Variants in MGAM observed in about 807,000 individuals in gnomAD.
The protein encoded by MGAM is alpha-1,4-glucosidase.
MGAM carries 253 observed loss-of-function variants against 358.8 expected under a neutral mutation model. That is an observed-to-expected ratio of 0.71 (90% CI 0.64 to 0.78). The LOEUF (loss-of-function observed/expected upper bound fraction) is 0.78, where lower values mean the gene tolerates loss of function less well. MGAM is among the 30% of genes least tolerant of loss of function. MGAM has a pLI of 0.00. For missense variants in MGAM, 3,080 were observed against 3,432.6 expected (o/e 0.90, Z 2.57); for synonymous variants, 1,105 against 1,227.1 (o/e 0.90, Z 2.08).
chr7:142,054,659 A>C, intron 26 of MGAM, 95 bp from the exon 27 acceptor site: 1 of 1,307,476 alleles, frequency 7.6e-7, no homozygotes, highest in Non-Finnish European at 1.1e-6. Context: ...GAAACATAGC[A>C]TCTGAACTTT....
chr7:142,045,613 T>TTA (rs1554472982), intron 21 of MGAM, among the ~76,000 whole-genome samples: 2 of 76,212 alleles, frequency 2.6e-5, no homozygotes, highest in African/African-American at 4.5e-4. Context: ...ATAATATATA[T>TTA]TATATACATA....
chr7:142,094,955 T>C lies in MGAM; in HGVS notation c.7458+92T>C, dbSNP rs554403274. ...AATGCAGTCTGTATTTCCTGTGATA[T>C]CTTTAAAATTTTTTTTTTTTTTCTT... On this transcript the variant is annotated intron_variant, in intron 63 of 70. Transcript: ENST00000475668. 1.5e-5 allele frequency: 20 copies of C among 1,306,126 alleles called. No homozygotes were observed. In the East Asian group the frequency reaches 4.6e-4, roughly 30 times the overall value. 80.9% of individuals were successfully genotyped at this position (1,306,126 alleles called of 1,614,324 possible).
At chr7:142,044,497 C>T (rs111204024) in intron 21 of MGAM, among the ~76,000 whole-genome samples, 15 of 116,836 alleles carry the variant, frequency 1.3e-4, no homozygotes, top group East Asian at 2.3e-4. Flanking sequence ...TATACACTTA[C>T]GATATATGAT....
intron 32 of MGAM, 69 bp downstream of exon 32, chr7:142,059,669 T>C: frequency 6.3e-7 from 1 of 1,597,952 alleles, no homozygotes; most frequent in Non-Finnish European, 8.5e-7. Context: ...GTCAGAGTTA[T>C]ACTTTATTTC....
In MGAM at chr7:142,082,164, T is replaced by C; in HGVS notation, c.6125T>C (p.Leu2042Ser). 6.4e-7 allele frequency: 1 copy of C among 1,555,464 alleles called. No homozygotes were observed. Among genetic ancestry groups the C allele is most frequent in the Non-Finnish European group, 8.8e-7 (1 of 1,132,350 alleles). Residue 2042 changes from leucine to serine, a missense_variant, in exon 51 of 71, where the codon TTG becomes TCG. By Grantham distance (145) the Leu-to-Ser change is moderately radical. This residue lies in a region of MGAM where 932 missense variants were observed against 1,198.2 expected (regional missense o/e 0.78). Transcript: ENST00000475668. ...GAGCACACGTCCTACAGGAGAGACTTGGAGTGGCACACTTGGGGGATGTTC... is the reference window on the plus strand; with the variant it reads ...GAGCACACGTCCTACAGGAGAGACTCGGAGTGGCACACTTGGGGGATGTTC... Reference protein sequence around the residue: ...ETEHTSYRRDLEWHTWGMFSR... With the variant: ...ETEHTSYRRDSEWHTWGMFSR...
intron 2 of MGAM, among the ~76,000 whole-genome samples, chr7:141,986,946 G>A (rs1803732343): frequency 6.6e-6 from 1 of 152,170 alleles, no homozygotes; most frequent in African/African-American, 2.4e-5. Context: ...GCAGGTGGTG[G>A]TAAAAGCCAG....
At chr7:142,008,440 A>C in intron 2 of MGAM, 66 bp from the exon 3 acceptor site, 1 of 1,494,766 alleles carries the variant, frequency 6.7e-7, no homozygotes, top group Non-Finnish European at 9.0e-7. Context: ...GGAGGTGTTG[A>C]GAACTATTGA....
chr7:142,076,831 A>T lies in MGAM; in HGVS notation c.5493+5A>T. ...ACTTATGATTCTAACCTGAAGGTAA[A>T]AACCCATTTTGTTGAGATGGTACAT... is the stretch of plus-strand genomic sequence containing the variant. On this transcript the variant is annotated splice_donor_5th_base_variant and intron_variant, in intron 47 of 70. Transcript: ENST00000475668. The T allele has an allele frequency of 6.4e-7, 1 of 1,551,502 alleles. No individual in the cohort carries two copies. Among genetic ancestry groups the T allele is most frequent in the Non-Finnish European group, 8.9e-7 (1 of 1,128,798 alleles).
rs1332285167 is a variant in MGAM at position 142,067,959 on chromosome 7, T to TAA, written c.5004+535_5004+536insAA. On this transcript the variant is annotated intron_variant, in intron 42 of 70. Transcript: ENST00000475668. ...AAATATATATATATATATATATATA[T>TAA]ATATAAATATATATATATATATATA... 1.3e-3 allele frequency among the ~76,000 whole-genome samples: 46 copies of TAA among 36,060 alleles called. 1 individual carries two copies. Among genetic ancestry groups the TAA allele is most frequent in the African/African-American group, 2.7e-3 (35 of 13,000 alleles). The allele number at this position is 36,060 out of a possible 152,430, so 23.7% of individuals were successfully genotyped here. A position where few individuals can be genotyped will look rare whatever the true frequency, so the allele number is the denominator to read the frequency against.
chr7:142,033,475 A>T (rs1413941991), intron 14 of MGAM, among the ~76,000 whole-genome samples: 1 of 152,190 alleles, frequency 6.6e-6, no homozygotes, highest in Non-Finnish European at 1.5e-5. Context: ...TAGAGGTTCA[A>T]GGACAGATTA....
intron 57 of MGAM, among the ~76,000 whole-genome samples, chr7:142,087,742 A>G (rs1383977453): frequency 6.8e-6 from 1 of 146,560 alleles, no homozygotes; most frequent in Non-Finnish European, 1.5e-5. Flanking sequence ...GCAATGCGGT[A>G]TATGTTGTAG....
intron 26 of MGAM, 49 bp from the exon 27 acceptor site, chr7:142,054,705 A>C: frequency 6.3e-7 from 1 of 1,597,918 alleles, no homozygotes; most frequent in Non-Finnish European, 8.5e-7. Context: ...CTAAGGGTAT[A>C]GGTTTCAAGA....
At chr7:142,027,960 A>G (rs2272332) in intron 10 of MGAM, among the ~76,000 whole-genome samples, 3,083 of 152,042 alleles carry the variant, frequency 0.02, 85 homozygotes, top group East Asian at 0.1. Context: ...GACCATAATT[A>G]TGTGTTGGGA....
At chr7:142,041,965 ATATATTAT>A (rs1808734358) in intron 21 of MGAM, among the ~76,000 whole-genome samples, 6 of 24,750 alleles carry the variant, frequency 2.4e-4, no homozygotes, top group Non-Finnish European at 1.4e-4. Context: ...TATAATATAT[ATATATTAT>A]ATATATATAA....
chr7:142,068,512 A>C, intron 42 of MGAM, 135 bp from the exon 43 acceptor site: 1 of 685,252 alleles, frequency 1.5e-6, no homozygotes, highest in Non-Finnish European at 2.5e-6. Context: ...AGGTTGCCCC[A>C]GTTGTTAACC....
chr7:142,024,133 G>A (rs1339336125), intron 7 of MGAM, among the ~76,000 whole-genome samples: 6 of 152,020 alleles, frequency 3.9e-5, no homozygotes, highest in African/African-American at 1.5e-4. Context: ...GGAGGCTGAG[G>A]CAGGAGAATG....
intron 54 of MGAM, among the ~76,000 whole-genome samples, chr7:142,085,600 A>G (rs1470068826): frequency 6.8e-6 from 1 of 146,056 alleles, no homozygotes; most frequent in Non-Finnish European, 1.6e-5. Flanking sequence ...CATCTTAGAG[A>G]GGCATTCTCA....
chr7:142,064,292 A>G, intron 36 of MGAM, 92 bp from the exon 37 acceptor site: 2 of 1,522,506 alleles, frequency 1.3e-6, no homozygotes, highest in Non-Finnish European at 1.8e-6. Flanking sequence ...GACTGAAGTT[A>G]GTCTTAAGAT....
At chr7:142,041,930 T>A (rs1563144606) in intron 21 of MGAM, among the ~76,000 whole-genome samples, 1 of 25,008 alleles carries the variant, frequency 4.0e-5, no homozygotes, top group African/African-American at 2.7e-4. Context: ...TAATATATAA[T>A]ATATATATTA....
Sources: allele counts gnomAD v4.1 joint callset (sites outside exome capture counted in the v4.1 genomes callset), GRCh38; gene constraint gnomAD v4.1.1; regional missense constraint gnomAD v4.1.1; transcripts MANE v1.5; gene names NCBI Gene and HGNC (gene_info 2026-07-23, HGNC 2026-07-21).